SEMA6D: variants seen among roughly 807,000 people sequenced by gnomAD.
SEMA6D encodes semaphorin-6D.
In SEMA6D, 35 loss-of-function variants were observed where a neutral mutation model predicts 106.6. That is an observed-to-expected ratio of 0.33 (90% CI 0.25 to 0.44). The LOEUF (loss-of-function observed/expected upper bound fraction) is 0.44, where lower values mean the gene tolerates loss of function less well. Ranked by LOEUF, SEMA6D falls within the 20% of genes least tolerant of loss-of-function variation. The pLI is 1.00. For missense variants in SEMA6D, 1,185 were observed against 1,345.9 expected (o/e 0.88, Z 1.87); for synonymous variants, 499 against 487.7 (o/e 1.02, Z -0.31).
chr15:47,250,090 A>G (rs762002991), intron 1 of SEMA6D, among the ~76,000 whole-genome samples: 11 of 152,250 alleles, frequency 7.2e-5, no homozygotes, highest in African/African-American at 1.2e-4. Context: ...TACAAGGATC[A>G]TTTCTACAAA....
intron 1 of SEMA6D, among the ~76,000 whole-genome samples, chr15:47,187,335 A>AT (rs1893651002): frequency 6.6e-6 from 1 of 152,174 alleles, no homozygotes; most frequent in South Asian, 2.1e-4. Flanking sequence ...AAACACATAT[A>AT]TTTTTGAACC....
intron 4 of SEMA6D, among the ~76,000 whole-genome samples, chr15:47,624,200 C>G (rs993788603): frequency 1.3e-5 from 2 of 152,178 alleles, no homozygotes; most frequent in African/African-American, 4.8e-5. Flanking sequence ...TCATATCTCA[C>G]TCAGCATAGA....
intron 2 of SEMA6D, among the ~76,000 whole-genome samples, chr15:47,452,105 C>G (rs1409299201): frequency 6.6e-6 from 1 of 151,952 alleles, no homozygotes; most frequent in African/African-American, 2.4e-5. Flanking sequence ...CTCTTAGTCC[C>G]TTAAAGCCTA....
chr15:47,542,395 T>C (rs1391309810), intron 3 of SEMA6D, among the ~76,000 whole-genome samples: 1 of 152,184 alleles, frequency 6.6e-6, no homozygotes, highest in Admixed American at 6.6e-5. Flanking sequence ...TGCTACTCCT[T>C]TGAGCAGACC....
At chr15:47,461,949 CAT>C (rs1473670794) in intron 2 of SEMA6D, among the ~76,000 whole-genome samples, 1 of 152,016 alleles carries the variant, frequency 6.6e-6, no homozygotes, top group African/African-American at 2.4e-5. Flanking sequence ...GATCCTGCCA[CAT>C]GAGTAAGATA....
intron 1 of SEMA6D, among the ~76,000 whole-genome samples, chr15:47,210,787 AAT>A: frequency 6.6e-6 from 1 of 151,578 alleles, no homozygotes; most frequent in African/African-American, 2.4e-5. Flanking sequence ...AAAAAAAAAA[AAT>A]CCAGCCATTG....
intron 1 of SEMA6D, among the ~76,000 whole-genome samples, chr15:47,233,973 A>C (rs2032379406): frequency 1.3e-5 from 2 of 151,980 alleles, no homozygotes; most frequent in Non-Finnish European, 2.9e-5. Flanking sequence ...ATGGTGAGAG[A>C]GGACATTCTT....
At chr15:47,403,392 G>T (rs1281621878) in intron 1 of SEMA6D, among the ~76,000 whole-genome samples, 1 of 152,170 alleles carries the variant, frequency 6.6e-6, no homozygotes, top group Non-Finnish European at 1.5e-5. Context: ...CAAGGTAAAT[G>T]ATTTAATGGA....
At chr15:47,195,080 A>G (rs1296094932) in intron 1 of SEMA6D, among the ~76,000 whole-genome samples, 3 of 152,198 alleles carry the variant, frequency 2.0e-5, no homozygotes, top group Non-Finnish European at 4.4e-5. Context: ...CTCCATACAA[A>G]TATTCTTATC....
intron 1 of SEMA6D, among the ~76,000 whole-genome samples, chr15:47,208,097 G>T (rs1232798130): frequency 1.3e-5 from 2 of 149,636 alleles, no homozygotes; most frequent in African/African-American, 4.9e-5. Flanking sequence ...GATTACCCAG[G>T]TTTAAATCCT....
At chr15:47,733,126 C>T (rs764408421) in intron 1 of SEMA6D, among the ~76,000 whole-genome samples, 1 of 152,190 alleles carries the variant, frequency 6.6e-6, no homozygotes, top group East Asian at 1.9e-4. Context: ...GCTAAAGTTT[C>T]GTAGTGTTTC....
At position 47,666,563 on chromosome 15, in the gene SEMA6D, G is replaced by C. The variant is rs538624044; in HGVS notation, c.-55+65667G>C. Among the ~76,000 whole-genome samples the C allele has an allele frequency of 2.6e-5, 4 of 152,264 alleles. No homozygotes were observed. The South Asian group carries it at 8.3e-4, about 32-fold the overall frequency. On this transcript the variant is annotated intron_variant, in intron 4 of 19. Transcript: ENST00000558014. Reference sequence around the variant, plus strand: ...TTCTGAAACCAGAGCTGTGTAGGGGGAGCAAGACAGACAATAACCATGAGT... The same window carrying C: ...TTCTGAAACCAGAGCTGTGTAGGGGCAGCAAGACAGACAATAACCATGAGT...
chr15:47,263,889 T>C (rs1180435606), intron 1 of SEMA6D, among the ~76,000 whole-genome samples: 2 of 151,250 alleles, frequency 1.3e-5, no homozygotes, highest in Admixed American at 1.3e-4. Flanking sequence ...CAAAGATACA[T>C]GAATGCATCT....
intron 3 of SEMA6D, among the ~76,000 whole-genome samples, chr15:47,524,236 G>A (rs1359391706): frequency 6.6e-6 from 1 of 152,142 alleles, no homozygotes; most frequent in Non-Finnish European, 1.5e-5. Flanking sequence ...CTGCCTAAAG[G>A]TTTAAGCCAT....
chr15:47,273,545 A>G (rs1187261578), intron 1 of SEMA6D, among the ~76,000 whole-genome samples: 4 of 152,160 alleles, frequency 2.6e-5, no homozygotes, highest in South Asian at 2.1e-4. Context: ...GGTAATTTCT[A>G]TTTGTTCATT....
At chr15:47,762,786 G>C (rs2082133164) in intron 8 of SEMA6D, among the ~76,000 whole-genome samples, 1 of 152,172 alleles carries the variant, frequency 6.6e-6, no homozygotes, top group Admixed American at 6.5e-5. Flanking sequence ...CTTTGCTGTA[G>C]TTCAGTTCCC....
chr15:47,747,773 G>A (rs1279116734), intron 1 of SEMA6D, among the ~76,000 whole-genome samples: 3 of 152,136 alleles, frequency 2.0e-5, no homozygotes, highest in East Asian at 3.9e-4. Context: ...CTGGTTTCTG[G>A]TTATGGTATG....
Position 47,744,315 on chromosome 15 carries a change from C to T in SEMA6D, c.-54-15430C>T, listed in dbSNP as rs72735859. Reference sequence around the variant, plus strand: ...GCTGAATATCAATGAGAGCTAGGCACCCCAATCCCCACCCACACACAGAAG... The same window carrying T: ...GCTGAATATCAATGAGAGCTAGGCATCCCAATCCCCACCCACACACAGAAG... On this transcript the variant is annotated intron_variant, in intron 1 of 18. Coordinates refer to ENST00000536845, the MANE Select transcript of SEMA6D (RefSeq NM_001358351.3). 7.2e-3 allele frequency among the ~76,000 whole-genome samples: 1,093 copies of T among 152,272 alleles called. 8 individuals are homozygous for T. The highest frequency in any genetic ancestry group is 0.01 in the Non-Finnish European group (701 of 68,024).
intron 1 of SEMA6D, among the ~76,000 whole-genome samples, chr15:47,338,798 C>G (rs2037680970): frequency 6.6e-6 from 1 of 152,114 alleles, no homozygotes; most frequent in African/African-American, 2.4e-5. Context: ...GCACTTTAGG[C>G]CTTAGGAATA....
Sources: allele counts gnomAD v4.1 joint callset (sites outside exome capture counted in the v4.1 genomes callset), GRCh38; gene constraint gnomAD v4.1.1; transcripts MANE v1.5; gene names NCBI Gene and HGNC (gene_info 2026-07-23, HGNC 2026-07-21).